The following FAM81A variants were observed in gnomAD, a reference collection of about 807,000 sequenced individuals.
The protein encoded by FAM81A is protein FAM81A.
In FAM81A, 19 loss-of-function variants were observed where a neutral mutation model predicts 46.7. The observed-to-expected ratio is 0.41, with a 90% CI of 0.28 to 0.60. The LOEUF is 0.60. Among genes scored for constraint, FAM81A ranks in the 20% least tolerant of loss-of-function variants. The pLI is 0.34. For missense variants in FAM81A, 377 were observed against 453.5 expected (o/e 0.83, Z 1.53); for synonymous variants, 183 against 152.9 (o/e 1.20, Z -1.45).
chr15:59,505,512 GA>G (rs555139851), intron 4 of FAM81A, among the ~76,000 whole-genome samples: 241 of 133,654 alleles, frequency 1.8e-3, no homozygotes, highest in Middle Eastern at 3.9e-3. Context: ...ACTCTGTCTC[GA>G]AAAAAAAAAA....
chr15:59,442,905 C>A (rs1163044364), intron 1 of FAM81A, among the ~76,000 whole-genome samples: 1 of 152,062 alleles, frequency 6.6e-6, no homozygotes, highest in African/African-American at 2.4e-5. Context: ...CATGATACAC[C>A]TTTGTCCACC....
intron 3 of FAM81A, among the ~76,000 whole-genome samples, chr15:59,488,993 C>T (rs180718781): frequency 2.6e-4 from 39 of 152,046 alleles, no homozygotes; most frequent in African/African-American, 7.7e-4. Flanking sequence ...AGGCTGGGTG[C>T]GGTGGCTCAC....
intron 1 of FAM81A, among the ~76,000 whole-genome samples, chr15:59,448,910 C>G (rs1239941367): frequency 6.6e-6 from 1 of 152,098 alleles, no homozygotes; most frequent in South Asian, 2.1e-4. Context: ...AATGATCATC[C>G]TACTTCAGCC....
intron 2 of FAM81A, among the ~76,000 whole-genome samples, chr15:59,427,631 C>T (rs1322807175): frequency 6.6e-6 from 1 of 152,126 alleles, no homozygotes; most frequent in African/African-American, 2.4e-5. Flanking sequence ...ATTTTTAGCT[C>T]CCACAAATGA....
intron 1 of FAM81A, among the ~76,000 whole-genome samples, 159 bp from the exon 2 acceptor site, chr15:59,458,391 A>G (rs1283397258): frequency 6.7e-6 from 1 of 148,354 alleles, no homozygotes; most frequent in Non-Finnish European, 1.5e-5. Flanking sequence ...TTGGAAACAT[A>G]TGCTGTTTAT....
At chr15:59,510,570 G>A (rs1329669460) in intron 6 of FAM81A, among the ~76,000 whole-genome samples, 1 of 151,800 alleles carries the variant, frequency 6.6e-6, no homozygotes, top group Non-Finnish European at 1.5e-5. Flanking sequence ...CAGATACTGA[G>A]AGTCTGATTG....
intron 1 of FAM81A, among the ~76,000 whole-genome samples, chr15:59,454,864 T>C (rs1422314143): frequency 6.6e-6 from 1 of 151,994 alleles, no homozygotes; most frequent in Non-Finnish European, 1.5e-5. Flanking sequence ...CTCAAACTCC[T>C]AGGCTCAAGA....
At chr15:59,478,114 T>C (rs945367275) in intron 3 of FAM81A, among the ~76,000 whole-genome samples, 2 of 152,196 alleles carry the variant, frequency 1.3e-5, no homozygotes, top group African/African-American at 4.8e-5. Context: ...GCCAGTTTGA[T>C]GGCTGGGGGT....
intron 3 of FAM81A, among the ~76,000 whole-genome samples, chr15:59,485,736 A>G (rs2081910130): frequency 6.6e-6 from 1 of 152,250 alleles, no homozygotes; most frequent in South Asian, 2.1e-4. Context: ...AATTAACTAA[A>G]TAAGACACCA....
intron 2 of FAM81A, among the ~76,000 whole-genome samples, chr15:59,421,199 C>T (rs72749146): frequency 3.1e-3 from 479 of 152,264 alleles, no homozygotes; most frequent in Non-Finnish European, 5.2e-3. Context: ...TAGAGGGGCT[C>T]GTGTTCTTGT....
intron 8 of FAM81A, among the ~76,000 whole-genome samples, chr15:59,517,884 A>G (rs1341466106): frequency 6.6e-6 from 1 of 152,174 alleles, no homozygotes; most frequent in Non-Finnish European, 1.5e-5. Context: ...GGATGTTAAT[A>G]TTTAGCACCT....
intron 2 of FAM81A, among the ~76,000 whole-genome samples, chr15:59,423,302 G>C (rs1332837550): frequency 6.6e-6 from 1 of 152,114 alleles, no homozygotes. Context: ...GTTTCACCCT[G>C]TTAGCCAGGA....
chr15:59,431,735 G>A (rs1410458306), intron 2 of FAM81A, among the ~76,000 whole-genome samples: 1 of 152,192 alleles, frequency 6.6e-6, no homozygotes, highest in Non-Finnish European at 1.5e-5. Context: ...AGCACATACA[G>A]ATAGTTTCCA....
Position 59,522,493 on chromosome 15 carries a change from T to C in FAM81A, c.*1115T>C, listed in dbSNP as rs973762948. 23 of 152,362 alleles carry C rather than the reference T, an allele frequency of 1.5e-4. No homozygotes were observed. Among genetic ancestry groups the C allele is most frequent in the African/African-American group, 5.5e-4 (23 of 41,464 alleles). The allele number at this position is 152,362 out of a possible 1,614,324, so 9.4% of individuals were successfully genotyped here. On this transcript the variant is annotated 3_prime_UTR_variant, in exon 9 of 9. Transcript: ENST00000288228. ...ACTTTTGTATGGACAACAATTCAAA[T>C]TGATATTGCATTTATAGCACTGTAA...
intron 3 of FAM81A, among the ~76,000 whole-genome samples, chr15:59,471,538 C>T (rs1283545724): frequency 6.6e-6 from 1 of 151,942 alleles, no homozygotes; most frequent in Non-Finnish European, 1.5e-5. Flanking sequence ...TCATAACTCA[C>T]TGCAGCGTCA....
intron 1 of FAM81A, among the ~76,000 whole-genome samples, chr15:59,449,696 G>A (rs538395046): frequency 7.8e-4 from 108 of 139,144 alleles, no homozygotes; most frequent in African/African-American, 2.8e-3. Context: ...GCAGGAGAAT[G>A]GCGTGAACCC....
At chr15:59,479,272 G>A (rs1208016474) in intron 3 of FAM81A, among the ~76,000 whole-genome samples, 2 of 152,082 alleles carry the variant, frequency 1.3e-5, no homozygotes, top group African/African-American at 4.8e-5. Flanking sequence ...AGCACTTTTG[G>A]GAGGCCGAGG....
chr15:59,468,800 G>A (rs2081648532), intron 3 of FAM81A, among the ~76,000 whole-genome samples: 2 of 152,104 alleles, frequency 1.3e-5, no homozygotes, highest in Admixed American at 6.5e-5. Context: ...TTTTAATTGT[G>A]TTGTTAGGGT....
chr15:59,503,295 G>A (rs2082114886), intron 4 of FAM81A, among the ~76,000 whole-genome samples: 3 of 151,066 alleles, frequency 2.0e-5, no homozygotes, highest in Admixed American at 2.0e-4. Context: ...CTCCTTAGAG[G>A]TAACTAATGT....
Sources: allele counts gnomAD v4.1 joint callset (sites outside exome capture counted in the v4.1 genomes callset), GRCh38; gene constraint gnomAD v4.1.1; transcripts MANE v1.5; gene names NCBI Gene and HGNC (gene_info 2026-07-23, HGNC 2026-07-21).